Variants in USP34 observed in about 807,000 individuals in gnomAD.
USP34 encodes the protein ubiquitin specific peptidase 34, also known as ubiquitin carboxyl-terminal hydrolase 34.
A neutral mutation model predicts 460.3 loss-of-function variants in USP34; 70 were observed. That is an observed-to-expected ratio of 0.15 (90% CI 0.13 to 0.19). The LOEUF is 0.19. Among genes scored for constraint, USP34 ranks in the 10% least tolerant of loss-of-function variants. The pLI is 1.00. For synonymous variants in USP34, 1,647 were observed against 1,405.3 expected (o/e 1.17, Z -3.85); for missense variants, 3,985 against 4,236.2 (o/e 0.94, Z 1.65).
At position 61,443,202 on chromosome 2, in the gene USP34, A is replaced by G. The variant is rs192176559; in HGVS notation, c.44-22369T>C. On this transcript the variant is annotated intron_variant, in intron 1 of 79. Coordinates refer to ENST00000398571, the MANE Select transcript of USP34 (RefSeq NM_014709.4). ...TAAAAATTACAGCTAGATAGGAGGA[A>G]TAAGTTCCAGTGTTCTACATAACTG... is the stretch of plus-strand genomic sequence containing the variant. 1.0e-3 allele frequency among the ~76,000 whole-genome samples: 154 copies of G among 152,312 alleles called. 1 individual carries two copies. Among genetic ancestry groups the G allele is most frequent in the African/African-American group, 3.6e-3 (149 of 41,584 alleles).
chr2:61,385,781 G>A (rs577347100), intron 5 of USP34, among the ~76,000 whole-genome samples: 2 of 151,662 alleles, frequency 1.3e-5, no homozygotes, highest in South Asian at 4.2e-4. Context: ...ATCACCTGAG[G>A]TCAGGAGTTC....
chr2:61,446,113 C>CA (rs35776849), intron 1 of USP34, among the ~76,000 whole-genome samples: 37,679 of 87,102 alleles, frequency 0.43, 8,350 homozygotes, highest in African/African-American at 0.47. Context: ...GACTCTGTCT[C>CA]AAAAAAAAAA....
At chr2:61,224,513 A>C (rs900058575) in intron 62 of USP34, among the ~76,000 whole-genome samples, 1 of 152,220 alleles carries the variant, frequency 6.6e-6, no homozygotes, top group Non-Finnish European at 1.5e-5. Context: ...TGGGATTCCA[A>C]AACAGTGATA....
intron 5 of USP34, among the ~76,000 whole-genome samples, chr2:61,393,375 G>A (rs1015045486): frequency 6.6e-6 from 1 of 150,550 alleles, no homozygotes; most frequent in African/African-American, 2.5e-5. Flanking sequence ...AGGTTGCAGT[G>A]AGCCAAGATC....
At chr2:61,322,023 G>A (rs1400270545) in intron 21 of USP34, among the ~76,000 whole-genome samples, 1 of 152,162 alleles carries the variant, frequency 6.6e-6, no homozygotes, top group Non-Finnish European at 1.5e-5. Context: ...GAGGTCGGGA[G>A]TTCGAGACCA....
intron 1 of USP34, among the ~76,000 whole-genome samples, chr2:61,456,011 T>C (rs1695427736): frequency 1.3e-5 from 2 of 152,186 alleles, no homozygotes; most frequent in South Asian, 2.1e-4. Flanking sequence ...ATCTGTACTC[T>C]GGAACCTTCC....
intron 2 of USP34, 86 bp downstream of exon 2, chr2:61,420,659 AC>A (rs1205755597): frequency 1.2e-5 from 11 of 882,160 alleles, no homozygotes; most frequent in Non-Finnish European, 1.7e-5. Flanking sequence ...CTAACCCAAC[AC>A]CCTAAAAAGA....
At chr2:61,317,424 G>A (rs1321453276) in intron 23 of USP34, among the ~76,000 whole-genome samples, 2 of 152,036 alleles carry the variant, frequency 1.3e-5, no homozygotes, top group East Asian at 3.9e-4. Flanking sequence ...CTACTTCGGG[G>A]GCTGAGGCTA....
At chr2:61,284,112 G>A (rs1034859057) in intron 35 of USP34, among the ~76,000 whole-genome samples, 8 of 152,046 alleles carry the variant, frequency 5.3e-5, no homozygotes, top group East Asian at 1.9e-4. Context: ...CAGCAAATAC[G>A]AAATGACTTC....
intron 10 of USP34, among the ~76,000 whole-genome samples, chr2:61,361,904 C>A (rs920781694): frequency 1.3e-5 from 2 of 151,872 alleles, no homozygotes; most frequent in Admixed American, 1.3e-4. Flanking sequence ...TATTTACAAA[C>A]CATGTATTGA....
At chr2:61,249,381 G>A (rs995171670) in intron 48 of USP34, among the ~76,000 whole-genome samples, 1 of 152,210 alleles carries the variant, frequency 6.6e-6, no homozygotes. Flanking sequence ...ACAAAGGGAT[G>A]GTTTACATCC....
intron 1 of USP34, among the ~76,000 whole-genome samples, chr2:61,448,595 T>A (rs1205432095): frequency 6.6e-6 from 1 of 152,136 alleles, no homozygotes; most frequent in African/African-American, 2.4e-5. Context: ...AATGAGTATA[T>A]GAAGTAAAAG....
chr2:61,198,443 A>G (rs745869288), intron 75 of USP34, among the ~76,000 whole-genome samples: 3 of 152,194 alleles, frequency 2.0e-5, no homozygotes, highest in Admixed American at 6.5e-5. Flanking sequence ...TATCCTCTGT[A>G]TATTGGGAGG....
At chr2:61,437,905 C>T (rs1270248983) in intron 1 of USP34, among the ~76,000 whole-genome samples, 1 of 151,904 alleles carries the variant, frequency 6.6e-6, no homozygotes, top group Non-Finnish European at 1.5e-5. Flanking sequence ...GGGTTCACTG[C>T]TGAAATCTAC....
At chr2:61,403,849 C>A (rs1347099424) in intron 3 of USP34, among the ~76,000 whole-genome samples, 1 of 151,658 alleles carries the variant, frequency 6.6e-6, no homozygotes, top group African/African-American at 2.4e-5. Flanking sequence ...AAAAATTAGC[C>A]GGGCATGGTG....
intron 21 of USP34, among the ~76,000 whole-genome samples, chr2:61,320,935 G>A (rs571328196): frequency 1.6e-4 from 24 of 152,194 alleles, no homozygotes; most frequent in South Asian, 4.2e-4. Context: ...GCTGGAACCC[G>A]GGAGGTGGAG....
At chr2:61,349,781 C>A (rs1691890665) in intron 12 of USP34, among the ~76,000 whole-genome samples, 1 of 151,990 alleles carries the variant, frequency 6.6e-6, no homozygotes, top group African/African-American at 2.4e-5. Flanking sequence ...ACGCAGCTTG[C>A]ATTGAGCCAA....
chr2:61,412,780 T>C (rs1244224510), intron 2 of USP34, among the ~76,000 whole-genome samples: 2 of 151,204 alleles, frequency 1.3e-5, no homozygotes, highest in Non-Finnish European at 2.9e-5. Context: ...TCCCAGCTAC[T>C]TGGGAGGCAG....
intron 41 of USP34, among the ~76,000 whole-genome samples, chr2:61,271,821 T>C (rs1689223505): frequency 6.6e-6 from 1 of 152,298 alleles, no homozygotes; most frequent in African/African-American, 2.4e-5. Context: ...ATTTACCAAA[T>C]TCTGCATGAA....
Sources: allele counts gnomAD v4.1 joint callset (sites outside exome capture counted in the v4.1 genomes callset), GRCh38; gene constraint gnomAD v4.1.1; transcripts MANE v1.5; gene names NCBI Gene and HGNC (gene_info 2026-07-23, HGNC 2026-07-21).